Variants in FGF2 observed in about 807,000 individuals in gnomAD.
FGF2 encodes fibroblast growth factor 2, also known as basic fibroblast growth factor bFGF.
In FGF2, 13 loss-of-function variants were observed where a neutral mutation model predicts 15.9. The ratio of observed to expected loss-of-function variants is 0.82; its 90% CI spans 0.53 to 1.30. FGF2 has a LOEUF of 1.30. Among genes scored for constraint, FGF2 ranks in the 50% most tolerant of loss-of-function variants. The pLI is 0.00. For synonymous variants in FGF2, 90 were observed against 78.4 expected, an observed-to-expected ratio of 1.15 and a Z score of -0.78; for missense variants, 163 against 196.9, an observed-to-expected ratio of 0.83 and a Z score of 1.03.
At chr4:122,861,739 C>T (rs530459318) in intron 1 of FGF2, among the ~76,000 whole-genome samples, 1 of 152,220 alleles carries the variant, frequency 6.6e-6, no homozygotes, top group South Asian at 2.1e-4. Flanking sequence ...ATTTAGTCCC[C>T]CATACCCCCT....
intron 1 of FGF2, among the ~76,000 whole-genome samples, chr4:122,875,454 T>G (rs1726820904): frequency 8.7e-6 from 1 of 115,272 alleles, no homozygotes; most frequent in Non-Finnish European, 2.0e-5. Flanking sequence ...AAATCCCATA[T>G]AGAAAGCTAA....
chr4:122,838,537 T>C (rs1003689167), intron 1 of FGF2, among the ~76,000 whole-genome samples: 2 of 152,230 alleles, frequency 1.3e-5, no homozygotes, highest in African/African-American at 4.8e-5. Flanking sequence ...CCATAACAAC[T>C]GGTGATTGTG....
intron 2 of FGF2, among the ~76,000 whole-genome samples, chr4:122,886,748 A>G (rs1247709560): frequency 1.3e-5 from 2 of 151,980 alleles, no homozygotes; most frequent in Admixed American, 6.6e-5. Flanking sequence ...TAAGTACTTC[A>G]TTACTTTTTG....
intron 1 of FGF2, among the ~76,000 whole-genome samples, chr4:122,861,022 G>A (rs756724732): frequency 2.6e-5 from 4 of 151,978 alleles, no homozygotes; most frequent in Non-Finnish European, 4.4e-5. Context: ...GTGCATATAC[G>A]TATCTTCCTG....
intron 1 of FGF2, among the ~76,000 whole-genome samples, chr4:122,871,500 A>G (rs931420143): frequency 6.6e-6 from 1 of 151,976 alleles, no homozygotes; most frequent in African/African-American, 2.4e-5. Context: ...CAAGAGAGAA[A>G]GTGCTTCATC....
At chr4:122,832,400 G>A (rs567822296) in intron 1 of FGF2, among the ~76,000 whole-genome samples, 9 of 151,904 alleles carry the variant, frequency 5.9e-5, no homozygotes, top group East Asian at 1.9e-4. Flanking sequence ...ACCTGCCACC[G>A]CACCCAGCTA....
At chr4:122,857,778 A>G (rs1159869451) in intron 1 of FGF2, among the ~76,000 whole-genome samples, 8 of 152,222 alleles carry the variant, frequency 5.3e-5, no homozygotes, top group South Asian at 4.1e-4. Context: ...TTTAAATTAC[A>G]TAAGTTAAAT....
At chr4:122,826,699 C>G (rs1725631585), upstream of FGF2, 1 of 1,256,938 alleles carries the variant, frequency 8.0e-7, no homozygotes, top group Non-Finnish European at 1.0e-6. Flanking sequence ...AACCGCCGAA[C>G]TCAGAGGCCG....
At position 122,896,477 on chromosome 4, in the gene FGF2, C is replaced by T. The variant is rs760029872; in HGVS notation, c.*4081C>T. The T allele has an allele frequency of 2.0e-5, 3 of 152,164 alleles. No homozygotes were observed. The highest frequency in any genetic ancestry group is 4.8e-5 in the African/African-American group (2 of 41,434). 9.4% of individuals were successfully genotyped at this position (152,164 alleles called of 1,614,324 possible). On this transcript the variant is annotated 3_prime_UTR_variant, in exon 3 of 3. Transcript: ENST00000644866. ...GGCTGCAAAACATAAGCTTAATTAG[C>T]TCACATGCTCTGCTCTCACGTGGCA...
intron 1 of FGF2, among the ~76,000 whole-genome samples, chr4:122,848,293 C>T (rs1246345998): frequency 2.0e-5 from 3 of 152,302 alleles, no homozygotes. Context: ...AGTCCAGGTT[C>T]TTTCTTCTGG....
At chr4:122,887,104 A>C (rs963710698) in intron 2 of FGF2, among the ~76,000 whole-genome samples, 2 of 152,154 alleles carry the variant, frequency 1.3e-5, no homozygotes, top group African/African-American at 4.8e-5. Context: ...CCACGACGTC[A>C]GGAGTTCGAG....
chr4:122,874,963 C>G (rs368929546), intron 1 of FGF2, among the ~76,000 whole-genome samples: 5 of 152,180 alleles, frequency 3.3e-5, no homozygotes, highest in South Asian at 4.2e-4. Context: ...GTGGGATGAC[C>G]TATGAAAATA....
In FGF2 at chr4:122,895,653, G is replaced by T. The variant is rs1727327125; in HGVS notation, c.*3257G>T. 6.6e-6 allele frequency: 1 copy of T among 152,012 alleles called. No individual in the cohort carries two copies. Among genetic ancestry groups the T allele is most frequent in the Non-Finnish European group, 1.5e-5 (1 of 68,000 alleles). 9.4% of individuals were successfully genotyped at this position (152,012 alleles called of 1,614,324 possible). On this transcript the variant is annotated 3_prime_UTR_variant, in exon 3 of 3. Transcript: ENST00000644866. ...TTGTGGATACCTTTATACTCTTAGG[G>T]TATTATTTTATACAAAAGCCTTGAG...
chr4:122,852,654 T>C (rs188074449), intron 1 of FGF2, among the ~76,000 whole-genome samples: 7 of 152,202 alleles, frequency 4.6e-5, no homozygotes, highest in Admixed American at 6.5e-5. Flanking sequence ...AACTTTCCCT[T>C]AATTGTTTTC....
chr4:122,846,088 T>A (rs1233675957), intron 1 of FGF2, among the ~76,000 whole-genome samples: 2 of 152,184 alleles, frequency 1.3e-5, no homozygotes, highest in African/African-American at 2.4e-5. Context: ...TTGTTGTGTC[T>A]TAGGGAACAG....
rs1303354140 is a variant in FGF2 at position 122,868,985 on chromosome 4, T to C, written c.179-7336T>C. Among the ~76,000 whole-genome samples the C allele has an allele frequency of 2.0e-5, 3 of 152,232 alleles. No homozygotes were observed. In the East Asian group the frequency reaches 5.8e-4, roughly 29 times the overall value. On this transcript the variant is annotated intron_variant, in intron 1 of 2. Transcript: ENST00000644866. ...AGGTTGTTTTTTTCTTGTAAATTTG[T>C]TTAAGTTCCTTATAAATTCTGGATA...
chr4:122,839,912 G>T (rs1725942139), intron 1 of FGF2, among the ~76,000 whole-genome samples: 1 of 152,278 alleles, frequency 6.6e-6, no homozygotes, highest in South Asian at 2.1e-4. Flanking sequence ...TCAGGTTTTG[G>T]CAGGTTTAGT....
At position 122,860,583 on chromosome 4, in the gene FGF2, G is replaced by A. The variant is rs189144799; in HGVS notation, c.179-15738G>A. Among the ~76,000 whole-genome samples the A allele has an allele frequency of 3.8e-3, 575 of 149,658 alleles. 2 individuals carry two copies. The highest frequency in any genetic ancestry group is 0.013 in the African/African-American group (533 of 41,086). ...TGATTCTTGTGCCTCAGCCTCCCAA[G>A]TAGCTGGGATTACAGGCATATGCCA... is the stretch of plus-strand genomic sequence containing the variant. On this transcript the variant is annotated intron_variant, in intron 1 of 2. Coordinates refer to ENST00000644866, the MANE Select transcript of FGF2 (RefSeq NM_001361665.2).
In FGF2 at chr4:122,841,593, GA is replaced by G. The variant is rs901269833; in HGVS notation, c.178+14249del. Among the ~76,000 whole-genome samples the G allele has an allele frequency of 2.4e-4, 36 of 151,766 alleles. 1 individual carries two copies. The highest frequency in any genetic ancestry group is 2.1e-3 in the East Asian group (11 of 5,172). ...CTGGAATTATGCTTTTCCTCTAAAA[GA>G]AAAAAAATAAAGGTGATATAGATGC... On this transcript the variant is annotated intron_variant, in intron 1 of 2. Coordinates refer to ENST00000644866, the MANE Select transcript of FGF2 (RefSeq NM_001361665.2).
Sources: allele counts gnomAD v4.1 joint callset (sites outside exome capture counted in the v4.1 genomes callset), GRCh38; gene constraint gnomAD v4.1.1; transcripts MANE v1.5; gene names NCBI Gene and HGNC (gene_info 2026-07-23, HGNC 2026-07-21).